ZNF713: variants seen among roughly 807,000 people sequenced by gnomAD.
The protein encoded by ZNF713 is zinc finger protein 713.
In ZNF713, 21 loss-of-function variants were observed where a neutral mutation model predicts 28.7. That is an observed-to-expected ratio of 0.73 (90% CI 0.52 to 1.05). The LOEUF is 1.05. ZNF713 is among the 50% of genes least tolerant of loss of function. The pLI, the probability that ZNF713 is intolerant of heterozygous loss-of-function variation, is 0.00. For missense variants in ZNF713, 458 were observed against 532.4 expected, an observed-to-expected ratio of 0.86 and a Z score of 1.37; for synonymous variants, 167 against 178.0, an observed-to-expected ratio of 0.94 and a Z score of 0.49.
At position 55,939,077 on chromosome 7, in the gene ZNF713, G is replaced by A. The variant is rs1786411571; in HGVS notation, c.403G>A (p.Gly135Arg). 4 of 1,614,092 alleles carry A rather than the reference G, an allele frequency of 2.5e-6. No homozygotes were observed. Among genetic ancestry groups the A allele is most frequent in the Non-Finnish European group, 2.5e-6 (3 of 1,180,006 alleles). The change falls in exon 7 of 7, where the codon GGA (glycine) becomes AGA (arginine). Residue 135 changes from glycine to arginine, a missense_variant. Physicochemically the swap from Gly to Arg is moderately radical, Grantham distance 125 (BLOSUM62 -2). Transcript: ENST00000429591. Reference protein sequence around the residue: ...THEMIMERLAGDSFWYSILGG... With the variant: ...THEMIMERLARDSFWYSILGG... ...TGAGATGATAATGGAGAGACTCGCAGGAGACAGCTTCTGGTACTCCATCCT... is the reference window on the plus strand; with the variant it reads ...TGAGATGATAATGGAGAGACTCGCAAGAGACAGCTTCTGGTACTCCATCCT...
chr7:55,895,293 A>T (rs971122439), intron 1 of ZNF713, among the ~76,000 whole-genome samples: 1 of 152,132 alleles, frequency 6.6e-6, no homozygotes, highest in Non-Finnish European at 1.5e-5. Context: ...CATTGATTAG[A>T]TAGAGAGCCT....
intron 1 of ZNF713, among the ~76,000 whole-genome samples, chr7:55,893,958 G>A (rs932346220): frequency 3.3e-5 from 5 of 152,204 alleles, no homozygotes; most frequent in Non-Finnish European, 7.3e-5. Flanking sequence ...AGAATGAGGG[G>A]TGAGAGAAAG....
chr7:55,889,296 T>C (rs1007897368), intron 1 of ZNF713, among the ~76,000 whole-genome samples: 1 of 151,924 alleles, frequency 6.6e-6, no homozygotes. Context: ...GAGACGGAGT[T>C]TCATCATATT....
chr7:55,913,195 C>CTTTTTTTTTTTTTTTTTTTTTT (rs66851959), intron 4 of ZNF713, among the ~76,000 whole-genome samples: 1 of 88,140 alleles, frequency 1.1e-5, no homozygotes, highest in Non-Finnish European at 2.0e-5. Flanking sequence ...GTTTTGATTC[C>CTTTTTTTTTTTTTTTTTTTTTT]TTTTTTTTTT....
At chr7:55,925,489 C>T (rs1257512018) in intron 6 of ZNF713, among the ~76,000 whole-genome samples, 4 of 152,068 alleles carry the variant, frequency 2.6e-5, no homozygotes, top group South Asian at 2.1e-4. Context: ...GGCGTGGTGA[C>T]GTGCGCCTGT....
chr7:55,900,584 A>G (rs1027223346), intron 1 of ZNF713, among the ~76,000 whole-genome samples: 1 of 152,220 alleles, frequency 6.6e-6, no homozygotes, highest in Non-Finnish European at 1.5e-5. Context: ...ATTAAGTGAA[A>G]TAAGCCAAGC....
chr7:55,913,233 G>A (rs1050248706), intron 4 of ZNF713, among the ~76,000 whole-genome samples: 14 of 116,282 alleles, frequency 1.2e-4, no homozygotes, highest in Admixed American at 1.2e-3. Flanking sequence ...ACAAAGTCTC[G>A]CTCTGTTGCC....
At chr7:55,925,115 C>A (rs36075179) in intron 6 of ZNF713, among the ~76,000 whole-genome samples, 3,430 of 152,150 alleles carry the variant, frequency 0.023, 62 homozygotes, top group African/African-American at 0.043. Context: ...GCTGACTGTA[C>A]ACCAGATGCT....
chr7:55,919,490 G>GTTTTTTTTTTT lies in ZNF713; in HGVS notation c.88-3649_88-3639dup, dbSNP rs55656709. On this transcript the variant is annotated intron_variant, in intron 4 of 6. Transcript: ENST00000429591. The stretch of plus-strand genomic sequence containing the variant: ...GCTGGATAAATTGGTAAACACTCCA[G>GTTTTTTTTTTT]TTTTTTTTTTTTTTTTTTTTTTTTT... Among the ~76,000 whole-genome samples the GTTTTTTTTTTT allele has an allele frequency of 2.4e-3, 158 of 66,740 alleles. 13 individuals are homozygous for GTTTTTTTTTTT. Among genetic ancestry groups the GTTTTTTTTTTT allele is most frequent in the East Asian group, 3.8e-3 (8 of 2,090 alleles). The allele number at this position is 66,740 out of a possible 152,430, so 43.8% of individuals were successfully genotyped here.
chr7:55,901,945 A>G (rs972727684), intron 1 of ZNF713, among the ~76,000 whole-genome samples: 5 of 152,192 alleles, frequency 3.3e-5, no homozygotes, highest in Non-Finnish European at 7.3e-5. Flanking sequence ...TAATCCCAAC[A>G]CTTTGGGAGG....
At chr7:55,904,053 A>G (rs890093037) in intron 1 of ZNF713, among the ~76,000 whole-genome samples, 4 of 151,778 alleles carry the variant, frequency 2.6e-5, no homozygotes, top group Non-Finnish European at 5.9e-5. Context: ...AGAAGCAGCA[A>G]CACATAAAAG....
intron 1 of ZNF713, among the ~76,000 whole-genome samples, chr7:55,905,918 A>G (rs969491883): frequency 2.6e-5 from 4 of 151,918 alleles, no homozygotes; most frequent in African/African-American, 7.3e-5. Context: ...CCTGGCCAAC[A>G]TGATGAAACC....
chr7:55,902,300 A>C (rs1785594476), intron 1 of ZNF713, among the ~76,000 whole-genome samples: 1 of 152,220 alleles, frequency 6.6e-6, no homozygotes, highest in African/African-American at 2.4e-5. Flanking sequence ...AGATTGTACT[A>C]GTACAAAGTG....
At position 55,922,244 on chromosome 7, in the gene ZNF713, TAAG is replaced by T. The variant is rs1213204702; in HGVS notation, c.88-914_88-912del. Among the ~76,000 whole-genome samples, 5 of 152,110 alleles carry T rather than the reference TAAG, an allele frequency of 3.3e-5. No homozygotes were observed. The East Asian group carries it at 9.7e-4, about 29-fold the overall frequency. On this transcript the variant is annotated intron_variant, in intron 4 of 6. Coordinates refer to ENST00000429591, the MANE Select transcript of ZNF713 (RefSeq NM_182633.3). ...GCCTGGCCTTATTGCTGTCTTATATTAAGAAGTTGCCTTGGCCGGGCACAGTGG... is the reference window on the plus strand; with the variant it reads ...GCCTGGCCTTATTGCTGTCTTATATTAAGTTGCCTTGGCCGGGCACAGTGG...
chr7:55,897,500 C>T (rs1404174211), intron 1 of ZNF713, among the ~76,000 whole-genome samples: 1 of 151,798 alleles, frequency 6.6e-6, no homozygotes, highest in East Asian at 1.9e-4. Flanking sequence ...AGGTTGGTCT[C>T]AAACTCCTGG....
At position 55,939,151 on chromosome 7, in the gene ZNF713, C is replaced by G; in HGVS notation, c.477C>G (p.Asn159Lys). 1.2e-6 allele frequency: 2 copies of G among 1,613,944 alleles called. No individual in the cohort carries two copies. Among genetic ancestry groups the G allele is most frequent in the East Asian group, 2.2e-5 (1 of 44,862 alleles). The change falls in exon 7 of 7, where the codon AAC becomes AAG. Residue 159 changes from asparagine to lysine, a missense_variant. Asn to Lys is a moderately conservative substitution (Grantham distance 94, BLOSUM62 0). Coordinates refer to ENST00000429591, the MANE Select transcript of ZNF713 (RefSeq NM_182633.3). ...ACCATCCAGAGTTTAACCAAGAAAA[C>G]CACAAGAGATATTTAGGACAAGTAA... ...FDYHPEFNQE[N>K]HKRYLGQVTL...
intron 1 of ZNF713, among the ~76,000 whole-genome samples, chr7:55,891,769 A>G (rs1057345213): frequency 8.6e-5 from 13 of 151,902 alleles, no homozygotes; most frequent in African/African-American, 2.7e-4. Context: ...TTTCACCCAC[A>G]CTAGTTCATG....
Position 55,887,458 on chromosome 7 carries a change from C to A in ZNF713, c.-805C>A, listed in dbSNP as rs1197871560. The A allele has an allele frequency of 6.4e-6, 1 of 155,186 alleles. No homozygotes were observed. The highest frequency in any genetic ancestry group is 1.4e-5 in the Non-Finnish European group (1 of 69,856). 9.6% of individuals were successfully genotyped at this position (155,186 alleles called of 1,614,324 possible). A position where few individuals can be genotyped will look rare whatever the true frequency, so the allele number is the denominator to read the frequency against. On this transcript the variant is annotated 5_prime_UTR_variant, in exon 1 of 7. Transcript: ENST00000429591. ...ATGCGTATTGGGGATCTGAGGCCAG[C>A]GTCTTGCGCCGCCATTGCGGGGAGG...
intron 1 of ZNF713, among the ~76,000 whole-genome samples, chr7:55,900,047 A>G (rs1364878631): frequency 1.3e-5 from 2 of 152,104 alleles, no homozygotes; most frequent in African/African-American, 4.8e-5. Flanking sequence ...CCAGGACCTG[A>G]GTATATATTC....
Sources: gnomAD v4.1 joint callset for allele counts (sites outside exome capture counted in the v4.1 genomes callset) on GRCh38, gnomAD v4.1.1 for gene constraint, MANE v1.5 for transcripts, NCBI Gene and HGNC (gene_info 2026-07-23, HGNC 2026-07-21) for gene names.